Variants in VCL observed in about 807,000 individuals in gnomAD.
The protein encoded by VCL is epididymis luminal protein 114.
Under a neutral mutation model 125.7 loss-of-function variants are expected in VCL, and 47 were observed. That is an observed-to-expected ratio of 0.37 (90% confidence interval 0.30 to 0.48). The LOEUF is 0.48. VCL is among the 20% of genes least tolerant of loss of function. VCL has a pLI of 0.99. For synonymous variants in VCL, 458 were observed against 514.6 expected (o/e 0.89, Z 1.49); for missense variants, 1,069 against 1,455.5 (o/e 0.73, Z 4.32).
chr10:74,114,155 G>A, intron 19 of VCL, 29 bp from the exon 20 acceptor site: 1 of 1,611,688 alleles, frequency 6.2e-7, no homozygotes, highest in Non-Finnish European at 8.5e-7. Context: ...CGTGGGCAGA[G>A]CTCACACTGT....
At chr10:74,106,660 T>G (rs1840140001) in intron 16 of VCL, among the ~76,000 whole-genome samples, 1 of 152,248 alleles carries the variant, frequency 6.6e-6, no homozygotes, top group Non-Finnish European at 1.5e-5. Context: ...AGGCAGAATC[T>G]TTCTAATATC....
At chr10:74,052,803 G>C (rs1366326837) in intron 2 of VCL, among the ~76,000 whole-genome samples, 4 of 144,250 alleles carry the variant, frequency 2.8e-5, no homozygotes, top group Admixed American at 6.9e-5. Context: ...CTTTCTTTCT[G>C]TATCTGTTGA....
intron 2 of VCL, among the ~76,000 whole-genome samples, chr10:74,044,189 A>G (rs1841152870): frequency 6.6e-6 from 1 of 152,146 alleles, no homozygotes; most frequent in Admixed American, 6.5e-5. Flanking sequence ...TAGTATTCCT[A>G]AAAATAATTT....
chr10:74,014,094 T>A (rs541414078), intron 1 of VCL, among the ~76,000 whole-genome samples: 3 of 152,354 alleles, frequency 2.0e-5, no homozygotes, highest in African/African-American at 7.2e-5. Flanking sequence ...TCTAAATTTT[T>A]AATTTATATT....
chr10:74,002,759 G>A (rs1308440049), intron 1 of VCL, among the ~76,000 whole-genome samples: 1 of 151,454 alleles, frequency 6.6e-6, no homozygotes, highest in East Asian at 2.0e-4. Flanking sequence ...GCACGCGCCT[G>A]TAGTCCCAGC....
intron 14 of VCL, among the ~76,000 whole-genome samples, chr10:74,101,748 G>A (rs895107344): frequency 1.3e-5 from 2 of 151,176 alleles, no homozygotes; most frequent in Non-Finnish European, 3.0e-5. Flanking sequence ...TAGTAGAGAC[G>A]GGGTTTCACC....
At chr10:74,100,812 T>A in intron 13 of VCL, 136 bp from the exon 14 acceptor site, 1 of 1,063,044 alleles carries the variant, frequency 9.4e-7, no homozygotes, top group Non-Finnish European at 1.4e-6. Flanking sequence ...TGACTGTTGT[T>A]TTATTAACTA....
At chr10:74,013,591 A>G (rs942654238) in intron 1 of VCL, among the ~76,000 whole-genome samples, 3 of 152,060 alleles carry the variant, frequency 2.0e-5, no homozygotes, top group African/African-American at 7.2e-5. Flanking sequence ...GGGAAGCAGT[A>G]CAGTAGTATA....
At chr10:74,111,785 G>A in intron 18 of VCL, 124 bp from the exon 19 acceptor site, 2 of 1,270,120 alleles carry the variant, frequency 1.6e-6, no homozygotes, top group Admixed American at 2.0e-5. Flanking sequence ...GGCTCCTAGA[G>A]AACATGTTTC....
At chr10:74,069,940 C>G (rs939961625) in intron 2 of VCL, among the ~76,000 whole-genome samples, 2 of 152,064 alleles carry the variant, frequency 1.3e-5, no homozygotes, top group Non-Finnish European at 2.9e-5. Context: ...TAATAACTGG[C>G]TTAGTTACTA....
At chr10:74,074,026 G>A (rs967545749) in intron 5 of VCL, among the ~76,000 whole-genome samples, 3 of 152,016 alleles carry the variant, frequency 2.0e-5, no homozygotes, top group Admixed American at 6.5e-5. Flanking sequence ...TCAGGAGTTC[G>A]AGACCAGCCT....
At chr10:74,046,120 T>G (rs566372174) in intron 2 of VCL, among the ~76,000 whole-genome samples, 1 of 152,186 alleles carries the variant, frequency 6.6e-6, no homozygotes, top group Non-Finnish European at 1.5e-5. Flanking sequence ...GCATCTGTTT[T>G]TTTGTACAGC....
chr10:74,013,454 T>C (rs182231725), intron 1 of VCL, among the ~76,000 whole-genome samples: 110 of 152,144 alleles, frequency 7.2e-4, no homozygotes, highest in Admixed American at 6.7e-3. Context: ...TTTGATCTTT[T>C]GCAAATGAGC....
In VCL at chr10:74,058,935, G is replaced by C. The variant is rs958881443; in HGVS notation, c.240-11735G>C. Among the ~76,000 whole-genome samples, 4 of 152,158 alleles carry C rather than the reference G, an allele frequency of 2.6e-5. No homozygotes were observed. The South Asian group carries it at 8.3e-4, about 32-fold the overall frequency. ...TGTGCACGTGCGTATGCGTGAGAGA[G>C]AGAGAGAAAGAGATCTACTGGAAAA... On this transcript the variant is annotated intron_variant, in intron 2 of 21. Coordinates refer to ENST00000211998, the MANE Select transcript of VCL (RefSeq NM_014000.3).
chr10:74,044,772 A>G (rs573889830), intron 2 of VCL, among the ~76,000 whole-genome samples: 1 of 152,364 alleles, frequency 6.6e-6, no homozygotes, highest in South Asian at 2.1e-4. Context: ...TAGAATGGAT[A>G]AAATAATCAT....
At chr10:74,107,660 A>T (rs1840158410) in intron 17 of VCL, among the ~76,000 whole-genome samples, 1 of 152,094 alleles carries the variant, frequency 6.6e-6, no homozygotes, top group Admixed American at 6.6e-5. Flanking sequence ...GTGATGAGGT[A>T]GTGCATTGTG....
At chr10:74,064,687 C>T (rs189527552) in intron 2 of VCL, among the ~76,000 whole-genome samples, 8 of 152,152 alleles carry the variant, frequency 5.3e-5, no homozygotes, top group Non-Finnish European at 1.0e-4. Flanking sequence ...GGATTACAGG[C>T]ATGAGCCACT....
intron 1 of VCL, among the ~76,000 whole-genome samples, chr10:74,017,303 T>C (rs1840565291): frequency 6.6e-6 from 1 of 152,004 alleles, no homozygotes; most frequent in African/African-American, 2.4e-5. Context: ...CGCCTCGGCC[T>C]CCCAAAGTGC....
Position 74,083,420 on chromosome 10 carries a change from G to C in VCL, c.929G>C (p.Gly310Ala). Residue 310 changes from glycine to alanine, a missense_variant, in exon 8 of 22, where the codon GGT (glycine) becomes GCT (alanine). By Grantham distance (60) the Gly-to-Ala change is moderately conservative. Transcript: ENST00000211998. ...ATCTTAGATGAAGCTGGAAAAGTTGGTGAACTCTGTGCAGGCAAAGAACGC... is the reference window on the plus strand; with the variant it reads ...ATCTTAGATGAAGCTGGAAAAGTTGCTGAACTCTGTGCAGGCAAAGAACGC... Reference protein sequence around the residue: ...RQILDEAGKVGELCAGKERRE... With the variant: ...RQILDEAGKVAELCAGKERRE... 6.2e-7 allele frequency: 1 copy of C among 1,614,142 alleles called. No individual in the cohort carries two copies. The highest frequency in any genetic ancestry group is 1.1e-5 in the South Asian group (1 of 91,080).
Sources: allele counts gnomAD v4.1 joint callset (sites outside exome capture counted in the v4.1 genomes callset), GRCh38; gene constraint gnomAD v4.1.1; transcripts MANE v1.5; gene names NCBI Gene and HGNC (gene_info 2026-07-23, HGNC 2026-07-21).